Variants in PSME4 observed in about 807,000 individuals in gnomAD.
PSME4 encodes proteasome activator complex subunit 4.
A neutral mutation model predicts 253.9 loss-of-function variants in PSME4; 89 were observed. The observed-to-expected ratio is 0.35, with a 90% confidence interval of 0.30 to 0.42. PSME4 has a LOEUF of 0.42. Among genes scored for constraint, PSME4 ranks in the 10% least tolerant of loss-of-function variants. PSME4 has a pLI of 1.00. For synonymous variants in PSME4, 851 were observed against 759.2 expected, an observed-to-expected ratio of 1.12 and a Z score of -1.99; for missense variants, 2,014 against 2,195.2, an observed-to-expected ratio of 0.92 and a Z score of 1.65.
At chr2:53,907,333 G>A (rs1198944838) in intron 24 of PSME4, among the ~76,000 whole-genome samples, 1 of 151,952 alleles carries the variant, frequency 6.6e-6, no homozygotes, top group African/African-American at 2.4e-5. Flanking sequence ...TCTTCCACCT[G>A]GTCACCAAAG....
chr2:53,873,853 G>T (rs1034440489), intron 43 of PSME4, among the ~76,000 whole-genome samples: 1 of 152,164 alleles, frequency 6.6e-6, no homozygotes, highest in African/African-American at 2.4e-5. Context: ...TTGCCCAACT[G>T]CAAAGAAGAC....
intron 1 of PSME4, among the ~76,000 whole-genome samples, chr2:53,967,719 C>G (rs1334483440): frequency 7.1e-6 from 1 of 141,466 alleles, no homozygotes; most frequent in Non-Finnish European, 1.5e-5. Flanking sequence ...GAGAACCTTC[C>G]AAACCAGAAC....
At chr2:53,932,870 G>T in intron 8 of PSME4, 110 bp from the exon 9 acceptor site, 1 of 728,156 alleles carries the variant, frequency 1.4e-6, no homozygotes, top group Non-Finnish European at 2.3e-6. Flanking sequence ...TAGTCAACTT[G>T]CTGACAAAAA....
intron 3 of PSME4, among the ~76,000 whole-genome samples, chr2:53,944,458 C>A (rs535963468): frequency 6.6e-6 from 1 of 151,884 alleles, no homozygotes; most frequent in African/African-American, 2.4e-5. Context: ...CCATGCCCAG[C>A]CGAATTTTGT....
intron 1 of PSME4, among the ~76,000 whole-genome samples, chr2:53,955,761 G>T (rs805453): frequency 6.7e-6 from 1 of 150,134 alleles, no homozygotes; most frequent in South Asian, 2.1e-4. Context: ...GTGCCTACAA[G>T]ATATACAAAA....
chr2:53,897,308 T>A (rs571634145), intron 31 of PSME4, among the ~76,000 whole-genome samples: 24 of 152,236 alleles, frequency 1.6e-4, no homozygotes, highest in Middle Eastern at 3.4e-3. Context: ...TAGGTGGGAT[T>A]ACAGGCGTGT....
chr2:53,900,957 T>C (rs541879728), intron 28 of PSME4, among the ~76,000 whole-genome samples: 45 of 152,324 alleles, frequency 3.0e-4, no homozygotes, highest in Non-Finnish European at 5.3e-4. Context: ...AGTCAAATCA[T>C]TCAATTTTAG....
chr2:53,915,488 T>C (rs1189070424), intron 20 of PSME4, among the ~76,000 whole-genome samples: 1 of 151,976 alleles, frequency 6.6e-6, no homozygotes, highest in Non-Finnish European at 1.5e-5. Context: ...TCCTAGCACT[T>C]TGGGAGGCCC....
intron 1 of PSME4, among the ~76,000 whole-genome samples, chr2:53,957,091 C>T (rs1247373711): frequency 1.3e-5 from 2 of 152,066 alleles, no homozygotes; most frequent in Non-Finnish European, 2.9e-5. Context: ...TGAAGGGGAA[C>T]AATTAAGCTT....
intron 9 of PSME4, among the ~76,000 whole-genome samples, chr2:53,932,420 C>T (rs917064781): frequency 3.9e-5 from 6 of 152,096 alleles, no homozygotes; most frequent in African/African-American, 1.4e-4. Flanking sequence ...TGGTTCTATG[C>T]TTCTAAGGCA....
At chr2:53,891,418 C>A (rs544389319) in intron 36 of PSME4, among the ~76,000 whole-genome samples, 1 of 152,246 alleles carries the variant, frequency 6.6e-6, no homozygotes, top group Admixed American at 6.5e-5. Context: ...GGTCCATGGA[C>A]TGTATTTTAG....
chr2:53,872,077 TTTTAA>T (rs746169719), intron 43 of PSME4, among the ~76,000 whole-genome samples: 19 of 152,258 alleles, frequency 1.2e-4, no homozygotes, highest in Admixed American at 6.5e-5. Flanking sequence ...ATATGAGATG[TTTTAA>T]TTTATTTTTC....
intron 9 of PSME4, 52 bp from the exon 10 acceptor site, chr2:53,932,152 A>T (rs1234606114): frequency 1.3e-6 from 2 of 1,527,196 alleles, no homozygotes; most frequent in Non-Finnish European, 8.9e-7. Flanking sequence ...TGCCGCATAG[A>T]CATTCATGGT....
At chr2:53,958,137 G>C (rs1235210611) in intron 1 of PSME4, among the ~76,000 whole-genome samples, 2 of 144,954 alleles carry the variant, frequency 1.4e-5, no homozygotes, top group African/African-American at 2.6e-5. Context: ...AGTGAGGCAA[G>C]ATCGCGCCAC....
chr2:53,864,793 G>A lies in PSME4; in HGVS notation c.*785C>T, dbSNP rs1678491307. On this transcript the variant is annotated 3_prime_UTR_variant, in exon 47 of 47. Coordinates refer to ENST00000404125, the MANE Select transcript of PSME4 (RefSeq NM_014614.3). ...ACAAACACAGCAGTCTTCCATTTAG[G>A]TGAAGTATAATAATTTTCAGAGGGT... 6.6e-6 allele frequency: 1 copy of A among 152,504 alleles called. No individual in the cohort carries two copies. The highest frequency in any genetic ancestry group is 2.1e-4 in the South Asian group (1 of 4,828). 9.4% of individuals were successfully genotyped at this position (152,504 alleles called of 1,614,324 possible).
intron 1 of PSME4, among the ~76,000 whole-genome samples, chr2:53,960,152 C>G (rs931254007): frequency 2.6e-5 from 4 of 152,172 alleles, no homozygotes; most frequent in South Asian, 4.1e-4. Context: ...GTAATCTCAG[C>G]ACTTTGGGAG....
chr2:53,943,345 C>A (rs1297440442), intron 3 of PSME4, among the ~76,000 whole-genome samples: 3 of 152,166 alleles, frequency 2.0e-5, no homozygotes, highest in Non-Finnish European at 4.4e-5. Context: ...TTTTCTTAAA[C>A]CTGTGCCAGG....
At chr2:53,966,148 G>A (rs1222606319) in intron 1 of PSME4, among the ~76,000 whole-genome samples, 1 of 152,078 alleles carries the variant, frequency 6.6e-6, no homozygotes, top group East Asian at 1.9e-4. Flanking sequence ...GGTCAAGTGT[G>A]GTGGTACTCA....
Position 53,923,047 on chromosome 2 carries a change from A to G in PSME4, c.1978+2T>C. The G allele has an allele frequency of 6.4e-7, 1 of 1,558,682 alleles. No homozygotes were observed. The highest frequency in any genetic ancestry group is 8.7e-7 in the Non-Finnish European group (1 of 1,147,874). On this transcript the variant is annotated splice_donor_variant, in intron 16 of 46. Coordinates refer to ENST00000404125, the MANE Select transcript of PSME4 (RefSeq NM_014614.3). LOFTEE classifies it high-confidence loss of function. ...AGAGAGAATAATGACCTTATGACTT[A>G]CTCATTGTAAGCTGAGTTATAACAC...
Sources: gnomAD v4.1 joint callset for allele counts (sites outside exome capture counted in the v4.1 genomes callset) on GRCh38, gnomAD v4.1.1 for gene constraint, MANE v1.5 for transcripts, NCBI Gene and HGNC (gene_info 2026-07-23, HGNC 2026-07-21) for gene names.